The following CIMAP3 variants were observed in gnomAD, a reference collection of about 807,000 sequenced individuals.
CIMAP3 encodes ciliary microtubule-associated protein 3.
At chr1:111,329,965 C>A in the CIMAP3 span, among the ~76,000 whole-genome samples, 1 of 152,074 alleles carries the variant, frequency 6.6e-6, no homozygotes, top group African/African-American at 2.4e-5. Flanking sequence ...ATTCTTTCCT[C>A]AGCTTGGTTT....
the CIMAP3 span, among the ~76,000 whole-genome samples, chr1:111,331,688 C>G: frequency 2.6e-5 from 4 of 151,282 alleles, no homozygotes; most frequent in Non-Finnish European, 5.9e-5. Context: ...TTGGGGGGGG[C>G]ATTCCATATA....
the CIMAP3 span, among the ~76,000 whole-genome samples, chr1:111,334,989 G>T: frequency 6.6e-6 from 1 of 151,916 alleles, no homozygotes; most frequent in African/African-American, 2.4e-5. Flanking sequence ...TTAGCTGGGC[G>T]TGGTGGTGCA....
chr1:111,346,915 G>A, the CIMAP3 span: 20 of 1,613,636 alleles, frequency 1.2e-5, no homozygotes, highest in East Asian at 4.5e-4. Flanking sequence ...TTTAGACGCT[G>A]CGGATAACTA....
the CIMAP3 span, among the ~76,000 whole-genome samples, chr1:111,342,861 A>G: frequency 2.0e-5 from 3 of 152,138 alleles, no homozygotes; most frequent in East Asian, 5.8e-4. Context: ...GTGGAAGTCC[A>G]ATTCTCTTAC....
the CIMAP3 span, among the ~76,000 whole-genome samples, chr1:111,340,702 A>G: frequency 2.6e-4 from 39 of 152,286 alleles, no homozygotes; most frequent in Admixed American, 2.2e-3. Context: ...AAAGTCAGGA[A>G]ACAGCAAGGT....
the CIMAP3 span, among the ~76,000 whole-genome samples, chr1:111,337,412 A>T: frequency 6.6e-6 from 1 of 152,194 alleles, no homozygotes; most frequent in Non-Finnish European, 1.5e-5. Context: ...CAAATTGGAT[A>T]AAGAGTCAAG....
chr1:111,330,342 G>A, the CIMAP3 span, among the ~76,000 whole-genome samples: 22 of 146,296 alleles, frequency 1.5e-4, no homozygotes, highest in Admixed American at 1.4e-4. Context: ...AGTGTAGATT[G>A]AGTACAATCA....
chr1:111,330,708 C>A, the CIMAP3 span, among the ~76,000 whole-genome samples: 1 of 152,204 alleles, frequency 6.6e-6, no homozygotes, highest in Non-Finnish European at 1.5e-5. Context: ...TCTTCCTCAC[C>A]ATGGAGGCAG....
the CIMAP3 span, among the ~76,000 whole-genome samples, chr1:111,337,954 C>G: frequency 6.7e-6 from 1 of 149,668 alleles, no homozygotes; most frequent in South Asian, 2.2e-4. Flanking sequence ...AAGTAAAGCT[C>G]TCCTCAGCAA....
chr1:111,347,768 AG>A, the CIMAP3 span: 1 of 1,606,016 alleles, frequency 6.2e-7, no homozygotes, highest in Non-Finnish European at 8.5e-7. Context: ...AAGCCAATAC[AG>A]AAGGTAATGT....
the CIMAP3 span, among the ~76,000 whole-genome samples, chr1:111,336,724 G>C: frequency 6.6e-6 from 1 of 152,238 alleles, no homozygotes; most frequent in East Asian, 1.9e-4. Context: ...CGTCTGATTG[G>C]TGTACCTGAA....
the CIMAP3 span, chr1:111,346,837 C>T: frequency 6.3e-7 from 1 of 1,588,308 alleles, no homozygotes; most frequent in Non-Finnish European, 8.6e-7. Flanking sequence ...TCTCCCCGAC[C>T]TTCCCCTCCC....
chr1:111,338,890 A>C, the CIMAP3 span, among the ~76,000 whole-genome samples: 1 of 152,198 alleles, frequency 6.6e-6, no homozygotes, highest in Non-Finnish European at 1.5e-5. Flanking sequence ...AGCCTGGCGG[A>C]GACACAACCA....
chr1:111,346,582 C>A, the CIMAP3 span: 1 of 1,607,354 alleles, frequency 6.2e-7, no homozygotes, highest in Non-Finnish European at 8.5e-7. Context: ...CGCTCCGCAG[C>A]TGGGAATCAC....
the CIMAP3 span, chr1:111,350,057 T>C: frequency 6.8e-7 from 1 of 1,476,138 alleles, no homozygotes; most frequent in Non-Finnish European, 9.5e-7. Flanking sequence ...ATGGAGTTTG[T>C]GTATGATCAC....
At chr1:111,340,917 T>C in the CIMAP3 span, among the ~76,000 whole-genome samples, 2 of 152,178 alleles carry the variant, frequency 1.3e-5, no homozygotes, top group African/African-American at 4.8e-5. Flanking sequence ...CGTATGTTTA[T>C]TGCGACATTA....
At chr1:111,336,364 G>A in the CIMAP3 span, among the ~76,000 whole-genome samples, 350 of 152,314 alleles carry the variant, frequency 2.3e-3, 2 homozygotes, top group Middle Eastern at 6.8e-3. Flanking sequence ...TGACTTTGAC[G>A]AGTTGAGAGA....
At chr1:111,347,407 C>T in the CIMAP3 span, among the ~76,000 whole-genome samples, 11 of 152,274 alleles carry the variant, frequency 7.2e-5, no homozygotes, top group Non-Finnish European at 1.6e-4. Context: ...AAGACTGATG[C>T]ATTTGAATAT....
At chr1:111,337,137 A>C in the CIMAP3 span, among the ~76,000 whole-genome samples, 2 of 152,092 alleles carry the variant, frequency 1.3e-5, no homozygotes, top group Non-Finnish European at 2.9e-5. Context: ...CTTTACAGAC[A>C]AGCAAATGCT....
Sources: gnomAD v4.1 joint callset for allele counts (sites outside exome capture counted in the v4.1 genomes callset) on GRCh38, gnomAD v4.1.1 for gene constraint, MANE v1.5 for transcripts, NCBI Gene and HGNC (gene_info 2026-07-23, HGNC 2026-07-21) for gene names.